RABGAP1: variants seen among roughly 807,000 people sequenced by gnomAD.
The protein encoded by RABGAP1 is rab GTPase-activating protein 1.
RABGAP1 carries 23 observed loss-of-function variants against 137.6 expected under a neutral mutation model. The ratio of observed to expected loss-of-function variants is 0.17; its 90% confidence interval spans 0.12 to 0.24. The LOEUF (loss-of-function observed/expected upper bound fraction) is 0.24. Ranked by LOEUF, RABGAP1 falls within the 10% of genes least tolerant of loss-of-function variation. RABGAP1 has a pLI of 1.00. For missense variants in RABGAP1, 906 were observed against 1,275.8 expected, an observed-to-expected ratio of 0.71 and a Z score of 4.42; for synonymous variants, 451 against 450.7, an observed-to-expected ratio of 1.00 and a Z score of -0.01.
At position 123,020,407 on chromosome 9, in the gene RABGAP1, G is replaced by C. The variant is rs1203971026; in HGVS notation, c.1742G>C (p.Gly581Ala). Reference protein sequence around the residue: ...LRGEVWQLLAGCHNNDHLVEK... With the variant: ...LRGEVWQLLAACHNNDHLVEK... ...GGAGAAGTCTGGCAGCTGCTAGCAG[G>C]CTGTCATAACAATGACCACCTGGTA... The change falls in exon 13 of 26, where the codon GGC becomes GCC. Residue 581 changes from glycine (G) to alanine (A), a missense_variant. Coordinates refer to ENST00000373647, the MANE Select transcript of RABGAP1 (RefSeq NM_012197.4). 6.2e-7 allele frequency: 1 copy of C among 1,607,132 alleles called. No individual in the cohort carries two copies. Among genetic ancestry groups the C allele is most frequent in the Non-Finnish European group, 8.5e-7 (1 of 1,176,606 alleles).
intron 13 of RABGAP1, among the ~76,000 whole-genome samples, chr9:123,025,118 G>T (rs1183132275): frequency 1.3e-5 from 2 of 152,078 alleles, no homozygotes; most frequent in East Asian, 3.9e-4. Flanking sequence ...AAAGCAGTTC[G>T]ATTTTACTTT....
intron 21 of RABGAP1, among the ~76,000 whole-genome samples, chr9:123,091,626 G>A (rs1411673535): frequency 3.3e-5 from 5 of 152,010 alleles, no homozygotes; most frequent in Admixed American, 6.6e-5. Context: ...GTATATGAAA[G>A]CATCATTAAA....
intron 13 of RABGAP1, among the ~76,000 whole-genome samples, chr9:123,039,745 C>T (rs578017918): frequency 3.0e-4 from 45 of 152,260 alleles, no homozygotes; most frequent in Middle Eastern, 3.4e-3. Flanking sequence ...AGTTGGATCA[C>T]ACCTTCTTGG....
chr9:122,943,764 T>G (rs995327457), intron 1 of RABGAP1, among the ~76,000 whole-genome samples: 3 of 152,108 alleles, frequency 2.0e-5, no homozygotes, highest in Admixed American at 1.3e-4. Context: ...CCATCCTGGC[T>G]AACACTGTGA....
At chr9:123,080,646 C>T (rs578224318) in intron 19 of RABGAP1, among the ~76,000 whole-genome samples, 17 of 152,236 alleles carry the variant, frequency 1.1e-4, no homozygotes, top group Admixed American at 9.8e-4. Flanking sequence ...CTGTGGCTTG[C>T]GTGAGGTATG....
intron 15 of RABGAP1, among the ~76,000 whole-genome samples, chr9:123,073,027 T>C (rs1415604104): frequency 6.6e-6 from 1 of 152,242 alleles, no homozygotes; most frequent in African/African-American, 2.4e-5. Flanking sequence ...CTGCAAGCCT[T>C]AGAATATGTA....
intron 13 of RABGAP1, chr9:123,033,465 CTG>C (rs1282139607): frequency 2.0e-5 from 3 of 152,230 alleles, no homozygotes; most frequent in African/African-American, 4.8e-5. Context: ...CATTCCCACA[CTG>C]TGCAGTCTGG....
chr9:123,061,803 A>G (rs2132107629), intron 13 of RABGAP1: 2 of 152,342 alleles, frequency 1.3e-5, no homozygotes, highest in South Asian at 4.1e-4. Context: ...CCATCTGTGC[A>G]CTGTTGCCGT....
At chr9:123,074,231 G>T in intron 16 of RABGAP1, 54 bp from the exon 17 acceptor site, 1 of 1,595,906 alleles carries the variant, frequency 6.3e-7, no homozygotes, top group South Asian at 1.1e-5. Context: ...AGCCTCCTTA[G>T]TGGGAATTGG....
intron 21 of RABGAP1, among the ~76,000 whole-genome samples, chr9:123,095,226 CAAAAA>C (rs55675466): frequency 1.1e-4 from 7 of 61,234 alleles, no homozygotes; most frequent in South Asian, 9.4e-4. Flanking sequence ...AACCTTGTCC[CAAAAA>C]AAAAAAAAAA....
At chr9:122,966,447 C>T (rs1011092447) in intron 2 of RABGAP1, among the ~76,000 whole-genome samples, 8 of 151,898 alleles carry the variant, frequency 5.3e-5, no homozygotes, top group East Asian at 3.9e-4. Flanking sequence ...TGCTTGAACC[C>T]GGGAGGCGGA....
chr9:123,028,531 G>A (rs1413448165), intron 13 of RABGAP1, among the ~76,000 whole-genome samples: 1 of 152,166 alleles, frequency 6.6e-6, no homozygotes, highest in Non-Finnish European at 1.5e-5. Context: ...GGTGGGATAG[G>A]GTGCTGCATA....
At chr9:123,034,375 C>T in intron 13 of RABGAP1, 1 of 578,876 alleles carries the variant, frequency 1.7e-6, no homozygotes. Flanking sequence ...CTCCTTATTC[C>T]AGGAAGGATT....
chr9:123,099,291 G>C lies in RABGAP1; in HGVS notation c.2818-187G>C, dbSNP rs971824023. Among the ~76,000 whole-genome samples the C allele has an allele frequency of 4.6e-5, 7 of 152,300 alleles. No individual in the cohort carries two copies. The South Asian group carries it at 1.4e-3, about 32-fold the overall frequency. ...CTTGGTTTCTGCAAGTCCTAGGCCA[G>C]TGAATGCAGAGGCGGCATAGCTAGA... On this transcript the variant is annotated intron_variant, in intron 23 of 25. Coordinates refer to ENST00000373647, the MANE Select transcript of RABGAP1 (RefSeq NM_012197.4).
At chr9:122,998,859 C>A in intron 10 of RABGAP1, 93 bp downstream of exon 10, 1 of 736,800 alleles carries the variant, frequency 1.4e-6, no homozygotes, top group East Asian at 3.0e-5. Flanking sequence ...TTTAAACAGT[C>A]ATGTGTATTT....
intron 2 of RABGAP1, among the ~76,000 whole-genome samples, chr9:122,968,118 C>G (rs1835271191): frequency 6.6e-6 from 1 of 151,750 alleles, no homozygotes; most frequent in African/African-American, 2.4e-5. Context: ...AGACATGAGA[C>G]ATTTTCGTAC....
intron 2 of RABGAP1, among the ~76,000 whole-genome samples, chr9:122,969,747 G>A (rs201457209): frequency 7.0e-4 from 41 of 58,856 alleles, no homozygotes; most frequent in Admixed American, 1.5e-3. Flanking sequence ...ATTTTATTTT[G>A]TAGAGACAAG....
chr9:122,955,245 C>T (rs553533954), intron 1 of RABGAP1, among the ~76,000 whole-genome samples: 4 of 152,282 alleles, frequency 2.6e-5, no homozygotes, highest in East Asian at 3.9e-4. Context: ...ATTTTCTTTA[C>T]CCTAAATCAG....
chr9:123,000,688 T>C (rs547223849), intron 10 of RABGAP1, among the ~76,000 whole-genome samples: 18 of 152,130 alleles, frequency 1.2e-4, no homozygotes, highest in Non-Finnish European at 2.2e-4. Flanking sequence ...TTTTTTTCTT[T>C]TTTAAAATAT....
Sources: allele counts gnomAD v4.1 joint callset (sites outside exome capture counted in the v4.1 genomes callset), GRCh38; gene constraint gnomAD v4.1.1; transcripts MANE v1.5; gene names NCBI Gene and HGNC (gene_info 2026-07-23, HGNC 2026-07-21).